The following SMAD1 variants were observed in gnomAD, a reference collection of about 807,000 sequenced individuals.
The protein encoded by SMAD1 is SMAD family member 1.
A neutral mutation model predicts 41.6 loss-of-function variants in SMAD1; 6 were observed. That is an observed-to-expected ratio of 0.14 (90% CI 0.08 to 0.28). SMAD1 has a LOEUF of 0.28. SMAD1 is among the 10% of genes least tolerant of loss of function. The pLI, the probability that SMAD1 is intolerant of heterozygous loss-of-function variation, is 1.00. For missense variants in SMAD1, 379 were observed against 582.6 expected (o/e 0.65, Z 3.60); for synonymous variants, 206 against 203.2 (o/e 1.01, Z -0.12).
chr4:145,517,235 C>A (rs992463926), intron 2 of SMAD1: 3 of 152,274 alleles, frequency 2.0e-5, no homozygotes, highest in African/African-American at 4.8e-5. Flanking sequence ...TGCTTGAGTT[C>A]TCTGGAAACA....
At chr4:145,516,057 A>G (rs1002997662) in intron 2 of SMAD1, among the ~76,000 whole-genome samples, 2 of 152,240 alleles carry the variant, frequency 1.3e-5, no homozygotes, top group African/African-American at 4.8e-5. Context: ...GACCAGTAGT[A>G]TAACAAACAT....
chr4:145,504,430 A>C (rs1411122996), intron 1 of SMAD1, among the ~76,000 whole-genome samples: 3 of 152,216 alleles, frequency 2.0e-5, no homozygotes, highest in Non-Finnish European at 1.5e-5. Flanking sequence ...CCTTAACCTT[A>C]AGGGTAGATA....
chr4:145,553,843 A>G lies in SMAD1; in HGVS notation c.1057A>G (p.Ile353Val). The change falls in exon 6 of 7, where the codon ATC (isoleucine) becomes GTC (valine). Residue 353 changes from isoleucine (I) to valine (V), a missense_variant. Ile to Val is a conservative substitution (Grantham distance 29). Transcript: ENST00000302085. Reference protein sequence around the residue: ...VYAECLSDSSIFVQSRNCNYH... With the variant: ...VYAECLSDSSVFVQSRNCNYH... ...TGCCGAATGCCTTAGTGACAGTAGC[A>G]TCTTTGTGCAAAGTCGGAACTGCAA... is the stretch of plus-strand genomic sequence containing the variant. 2 of 1,613,966 alleles carry G rather than the reference A, an allele frequency of 1.2e-6. No homozygotes were observed. Among genetic ancestry groups the G allele is most frequent in the African/African-American group, 1.3e-5 (1 of 75,046 alleles).
In SMAD1 at chr4:145,481,925, CCGAG is replaced by C. The variant is rs1728197249; in HGVS notation, c.-289_-286del. 6.6e-6 allele frequency: 1 copy of C among 152,530 alleles called. No homozygotes were observed. Among genetic ancestry groups the C allele is most frequent in the African/African-American group, 2.4e-5 (1 of 41,418 alleles). 9.4% of individuals were successfully genotyped at this position (152,530 alleles called of 1,614,324 possible). On this transcript the variant is annotated 5_prime_UTR_variant, in exon 1 of 7. Coordinates refer to ENST00000302085, the MANE Select transcript of SMAD1 (RefSeq NM_005900.3). ...GAGAGGCCGAGCGGCTCAACCCGGG[CCGAG>C]GCTCGGGGAGCGGAGAGTGGCGCAG...
intron 1 of SMAD1, among the ~76,000 whole-genome samples, chr4:145,506,897 A>G (rs1401477750): frequency 6.6e-6 from 1 of 152,154 alleles, no homozygotes; most frequent in African/African-American, 2.4e-5. Context: ...GAGTATTTTA[A>G]CATTTTTTTC....
At chr4:145,481,771 G>GGGCGGGCA (rs1728183963), upstream of SMAD1, 1 of 198,458 alleles carries the variant, frequency 5.0e-6, no homozygotes, top group African/African-American at 2.4e-5. Context: ...GTGAGCGGGC[G>GGGCGGGCA]GGCGGGCAGG....
intron 1 of SMAD1, among the ~76,000 whole-genome samples, chr4:145,509,521 C>A (rs1729963284): frequency 6.6e-6 from 1 of 152,002 alleles, no homozygotes; most frequent in South Asian, 2.1e-4. Context: ...AAAATAGCCC[C>A]AAGTTATTTT....
intron 1 of SMAD1, among the ~76,000 whole-genome samples, chr4:145,492,140 G>A (rs1728801728): frequency 6.6e-6 from 1 of 152,158 alleles, no homozygotes. Flanking sequence ...CACTACAACA[G>A]TCAACACAAA....
intron 5 of SMAD1, 21 bp from the exon 6 acceptor site, chr4:145,553,763 G>A (rs2126555843): frequency 6.2e-7 from 1 of 1,606,628 alleles, no homozygotes; most frequent in Admixed American, 1.7e-5. Context: ...TAACTAAATG[G>A]TATGCTTTGT....
intron 1 of SMAD1, among the ~76,000 whole-genome samples, chr4:145,502,493 G>C (rs2126340455): frequency 6.6e-6 from 1 of 152,332 alleles, no homozygotes; most frequent in African/African-American, 2.4e-5. Flanking sequence ...TGTGACAGCT[G>C]CTATTTTATA....
intron 2 of SMAD1, among the ~76,000 whole-genome samples, chr4:145,537,579 C>T (rs1043685937): frequency 6.6e-6 from 1 of 151,720 alleles, no homozygotes; most frequent in African/African-American, 2.4e-5. Flanking sequence ...GGTTTTTTTT[C>T]CCCCAACCCA....
At chr4:145,484,426 G>A (rs1416683744) in intron 1 of SMAD1, 1 of 152,222 alleles carries the variant, frequency 6.6e-6, no homozygotes, top group Admixed American at 6.5e-5. Context: ...CATGGGGTCA[G>A]CCTGTAAAAG....
intron 2 of SMAD1, among the ~76,000 whole-genome samples, chr4:145,538,605 T>G (rs1168241258): frequency 2.0e-5 from 3 of 152,212 alleles, no homozygotes; most frequent in Non-Finnish European, 2.9e-5. Flanking sequence ...ATAGATTCCC[T>G]GGAAAGCCCT....
intron 4 of SMAD1, 30 bp downstream of exon 4, chr4:145,542,728 T>C: frequency 7.0e-7 from 1 of 1,435,272 alleles, no homozygotes; most frequent in Non-Finnish European, 9.8e-7. Flanking sequence ...GTTCCCTTTT[T>C]TAGAGTCTAA....
intron 1 of SMAD1, among the ~76,000 whole-genome samples, chr4:145,498,327 A>G (rs993678368): frequency 6.6e-6 from 1 of 152,202 alleles, no homozygotes; most frequent in Non-Finnish European, 1.5e-5. Flanking sequence ...TATCATATTA[A>G]CCCAGAATAG....
intron 4 of SMAD1, 119 bp downstream of exon 4, chr4:145,542,817 A>C (rs918871881): frequency 1.3e-5 from 8 of 631,270 alleles, no homozygotes; most frequent in African/African-American, 9.3e-5. Context: ...AATAGAGTCC[A>C]ATGTTAAGAG....
In SMAD1 at chr4:145,482,274, C is replaced by G. The variant is rs1370788496; in HGVS notation, c.-177+236C>G. On this transcript the variant is annotated intron_variant, in intron 1 of 6. Transcript: ENST00000302085. This position sits in a 1 kb window ranked among gnomAD's most constrained non-coding sequence, Gnocchi z 4.2. ...CCGTCTGCTCGGAGGAGCGAACCTG[C>G]TACCACGTCTTCTCGCGCCCAGCCC... Among the ~76,000 whole-genome samples, 2 of 149,518 alleles carry G rather than the reference C, an allele frequency of 1.3e-5. 1 individual carries two copies.
intron 2 of SMAD1, among the ~76,000 whole-genome samples, chr4:145,521,510 C>G (rs139968299): frequency 1.3e-5 from 2 of 152,110 alleles, no homozygotes; most frequent in African/African-American, 2.4e-5. Flanking sequence ...TTAAAATTCA[C>G]GTAAAATCCT....
intron 5 of SMAD1, among the ~76,000 whole-genome samples, chr4:145,551,394 T>C (rs1410952998): frequency 6.6e-6 from 1 of 152,114 alleles, no homozygotes; most frequent in Non-Finnish European, 1.5e-5. Flanking sequence ...GAAAATATGC[T>C]TGATCAGAGA....
Sources: gnomAD v4.1 joint callset for allele counts (sites outside exome capture counted in the v4.1 genomes callset) on GRCh38, gnomAD v4.1.1 for gene constraint, Gnocchi (gnomAD v3.1) non-coding constraint, MANE v1.5 for transcripts, NCBI Gene and HGNC (gene_info 2026-07-23, HGNC 2026-07-21) for gene names.